The following THSD4 variants were observed in gnomAD, a reference collection of about 807,000 sequenced individuals.
The protein encoded by THSD4 is thrombospondin type 1 domain containing 4.
In THSD4, 69 loss-of-function variants were observed where a neutral mutation model predicts 119.0. That is an observed-to-expected ratio of 0.58 (90% CI 0.48 to 0.71). THSD4 has a LOEUF of 0.71. THSD4 is among the 30% of genes least tolerant of loss of function. THSD4 has a pLI of 0.00. For missense variants in THSD4, 1,393 were observed against 1,391.1 expected (o/e 1.00, Z -0.02); for synonymous variants, 524 against 540.4 (o/e 0.97, Z 0.42).
chr15:71,503,161 G>A (rs928109003), intron 7 of THSD4, among the ~76,000 whole-genome samples: 3 of 152,144 alleles, frequency 2.0e-5, no homozygotes, highest in Admixed American at 1.3e-4. Context: ...TGATTGACAT[G>A]AAGCCTTGTG....
At chr15:71,656,250 C>T (rs1229987123) in intron 7 of THSD4, among the ~76,000 whole-genome samples, 1 of 152,090 alleles carries the variant, frequency 6.6e-6, no homozygotes, top group East Asian at 1.9e-4. Context: ...CTGTCAATGG[C>T]ATACATGGTT....
chr15:71,352,593 G>T (rs949325987), intron 6 of THSD4, among the ~76,000 whole-genome samples: 1 of 152,312 alleles, frequency 6.6e-6, no homozygotes, highest in Non-Finnish European at 1.5e-5. Flanking sequence ...GGCTGATATA[G>T]TTGAGTTCAT....
chr15:71,212,462 C>A (rs1263163425), intron 3 of THSD4, among the ~76,000 whole-genome samples: 1 of 152,154 alleles, frequency 6.6e-6, no homozygotes, highest in Non-Finnish European at 1.5e-5. Flanking sequence ...AGCTGTATGT[C>A]TAATCCAAGT....
intron 6 of THSD4, among the ~76,000 whole-genome samples, chr15:71,410,568 G>A (rs2046672990): frequency 6.6e-6 from 1 of 152,162 alleles, no homozygotes; most frequent in Admixed American, 6.5e-5. Context: ...ATAAAGGTAG[G>A]CGAGGTTCCG....
chr15:71,255,994 A>G lies in THSD4; in HGVS notation c.913-619A>G, dbSNP rs146904801. ...GATTTGTCAGAAGTAGAAGGTTTAG[A>G]TCAGTGGTTTTCAAATTATAGTGTG... On this transcript the variant is annotated intron_variant, in intron 5 of 17. Transcript: ENST00000261862. 2.6e-3 allele frequency among the ~76,000 whole-genome samples: 391 copies of G among 151,094 alleles called. 1 individual carries two copies. Among genetic ancestry groups the G allele is most frequent in the African/African-American group, 9.2e-3 (383 of 41,484 alleles).
chr15:71,206,071 A>G (rs901444537), intron 3 of THSD4, among the ~76,000 whole-genome samples: 3 of 152,064 alleles, frequency 2.0e-5, no homozygotes, highest in African/African-American at 7.2e-5. Context: ...CTGAAATTCT[A>G]AAGTCTTGTT....
At chr15:71,185,524 A>G (rs1212347835) in intron 3 of THSD4, 1 of 147,374 alleles carries the variant, frequency 6.8e-6, no homozygotes, top group Non-Finnish European at 1.5e-5. Context: ...TGAAAAAAAT[A>G]ACAACAATAT....
intron 7 of THSD4, among the ~76,000 whole-genome samples, chr15:71,562,622 C>T (rs2049144472): frequency 6.6e-6 from 1 of 151,952 alleles, no homozygotes; most frequent in Admixed American, 6.6e-5. Context: ...AATGTTATAT[C>T]CGTTTCACAG....
intron 6 of THSD4, among the ~76,000 whole-genome samples, chr15:71,292,238 C>T (rs562404336): frequency 9.9e-5 from 15 of 151,822 alleles, no homozygotes; most frequent in South Asian, 2.1e-4. Flanking sequence ...TTCAGGTCTT[C>T]GGTTGATTTC....
At chr15:71,399,287 A>T (rs1278174945) in intron 6 of THSD4, among the ~76,000 whole-genome samples, 2 of 152,220 alleles carry the variant, frequency 1.3e-5, no homozygotes, top group Non-Finnish European at 2.9e-5. Context: ...GAATTAATTT[A>T]TATAAAGGGT....
intron 7 of THSD4, among the ~76,000 whole-genome samples, chr15:71,451,502 C>T (rs1490845568): frequency 6.6e-6 from 1 of 152,140 alleles, no homozygotes; most frequent in East Asian, 1.9e-4. Flanking sequence ...TGCTGCTCCC[C>T]AAGTGCCTTC....
chr15:71,323,262 G>A (rs532954427), intron 6 of THSD4, among the ~76,000 whole-genome samples: 1 of 152,208 alleles, frequency 6.6e-6, no homozygotes, highest in East Asian at 1.9e-4. Flanking sequence ...GGCGCCAATC[G>A]CAGGGGGCCA....
intron 7 of THSD4, among the ~76,000 whole-genome samples, chr15:71,615,719 A>G (rs2050308663): frequency 6.6e-6 from 1 of 152,180 alleles, no homozygotes; most frequent in Non-Finnish European, 1.5e-5. Context: ...ATTGCTCTTC[A>G]CATGAGAAAG....
intron 5 of THSD4, among the ~76,000 whole-genome samples, chr15:71,254,212 G>A (rs540364200): frequency 6.6e-6 from 1 of 152,314 alleles, no homozygotes; most frequent in South Asian, 2.1e-4. Flanking sequence ...AAGACCTGCG[G>A]CCCGGCAGCC....
At chr15:71,692,360 C>T (rs1447780048) in intron 8 of THSD4, among the ~76,000 whole-genome samples, 1 of 152,202 alleles carries the variant, frequency 6.6e-6, no homozygotes, top group Admixed American at 6.5e-5. Flanking sequence ...GGACTTTTTT[C>T]CCCACTTTTA....
chr15:71,242,796 A>G lies in THSD4; in HGVS notation c.612A>G (p.Ala204=), dbSNP rs149846328. Residue 204 remains alanine (A), a synonymous_variant, in exon 5 of 18, where the codon GCA becomes GCG. Coordinates refer to ENST00000261862, the MANE Select transcript of THSD4 (RefSeq NM_024817.3). ...LSSRHSRSQG[A]SSARHGYSSP... ...CCCGCCATTCCAGGTCCCAGGGAGCATCTTCTGCTAGGCATGGCTACAGTT... is the reference window on the plus strand; with the variant it reads ...CCCGCCATTCCAGGTCCCAGGGAGCGTCTTCTGCTAGGCATGGCTACAGTT... The G allele has an allele frequency of 2.1e-4, 335 of 1,614,198 alleles. 2 individuals are homozygous for G. The African/African-American group carries it at 3.7e-3, about 18-fold the overall frequency.
Position 71,748,459 on chromosome 15 carries a change from T to A in THSD4, c.2280T>A (p.Asp760Glu). 1.2e-6 allele frequency: 2 copies of A among 1,614,148 alleles called. No homozygotes were observed. Among genetic ancestry groups the A allele is most frequent in the Non-Finnish European group, 8.5e-7 (1 of 1,180,020 alleles). ...GCGGCGTGGGACAGAGGACCCGTGA[T>A]GTGAAGTGTGTGAGCAACATTGGGG... is the stretch of plus-strand genomic sequence containing the variant. The part of the protein sequence containing the change: ...VPCGVGQRTR[D>E]VKCVSNIGDV... Residue 760 changes from aspartate (D) to glutamate (E), a missense_variant, in exon 14 of 18, where the codon GAT becomes GAA. Coordinates refer to ENST00000261862, the MANE Select transcript of THSD4 (RefSeq NM_024817.3).
chr15:71,555,365 C>T (rs1595881904), intron 7 of THSD4, among the ~76,000 whole-genome samples: 1 of 152,144 alleles, frequency 6.6e-6, no homozygotes, highest in East Asian at 1.9e-4. Flanking sequence ...AAAATGGTAT[C>T]AGTGTATGCT....
In THSD4 at chr15:71,532,283, A is replaced by AGAGAGAGAGAGAGTGTGT. The variant is rs1379506089; in HGVS notation, c.1152+120461_1152+120462insAGAGAGAGAGAGTGTGTG. 1.8e-3 allele frequency among the ~76,000 whole-genome samples: 186 copies of AGAGAGAGAGAGAGTGTGT among 101,626 alleles called. 1 individual carries two copies. Among genetic ancestry groups the AGAGAGAGAGAGAGTGTGT allele is most frequent in the Middle Eastern group, 5.4e-3 (1 of 184 alleles). 66.7% of individuals were successfully genotyped at this position (101,626 alleles called of 152,430 possible). A position where few individuals can be genotyped will look rare whatever the true frequency, so the allele number is the denominator to read the frequency against. ...AAGGGTGAGAGAGAGAGAGAGAGAG[A>AGAGAGAGAGAGAGTGTGT]GTGTGTGTGTGTGTGTGTGTGTGTG... On this transcript the variant is annotated intron_variant, in intron 7 of 17. Transcript: ENST00000261862.
Sources: allele counts gnomAD v4.1 joint callset (sites outside exome capture counted in the v4.1 genomes callset), GRCh38; gene constraint gnomAD v4.1.1; transcripts MANE v1.5; gene names NCBI Gene and HGNC (gene_info 2026-07-23, HGNC 2026-07-21).